BMP7: variants seen among roughly 807,000 people sequenced by gnomAD.
BMP7 encodes osteogenic protein 1.
A neutral mutation model predicts 41.2 loss-of-function variants in BMP7; 12 were observed. The observed-to-expected ratio is 0.29, with a 90% CI of 0.19 to 0.47. The LOEUF is 0.47. Ranked by LOEUF, BMP7 falls within the 20% of genes least tolerant of loss-of-function variation. BMP7 has a pLI of 0.99. For missense variants in BMP7, 467 were observed against 606.0 expected (o/e 0.77, Z 2.41); for synonymous variants, 248 against 250.0 (o/e 0.99, Z 0.07).
intron 3 of BMP7, among the ~76,000 whole-genome samples, chr20:57,186,097 G>A (rs1216978864): frequency 6.6e-6 from 1 of 152,248 alleles, no homozygotes; most frequent in African/African-American, 2.4e-5. Context: ...AGTAATGTAA[G>A]CTTGGGTGTC....
At position 57,213,596 on chromosome 20, in the gene BMP7, G is replaced by C. The variant is rs1984943031; in HGVS notation, c.612-10973C>G. On this transcript the variant is annotated intron_variant, in intron 2 of 6. Transcript: ENST00000395863. The surrounding 1 kb of genome is among the most constrained non-coding windows in gnomAD (Gnocchi z 4.4). ...GTGGATCACAGAGGCTGGGGGTCAA[G>C]AGGGAAGAGAAATACAGCGACAAAT... Among the ~76,000 whole-genome samples, 1 of 152,112 alleles carries C rather than the reference G, an allele frequency of 6.6e-6. No homozygotes were observed. The highest frequency in any genetic ancestry group is 2.1e-4 in the South Asian group (1 of 4,824).
At chr20:57,220,163 C>A (rs1985155795) in intron 2 of BMP7, among the ~76,000 whole-genome samples, 1 of 152,186 alleles carries the variant, frequency 6.6e-6, no homozygotes, top group Non-Finnish European at 1.5e-5. Context: ...AAGAACATGG[C>A]ACCGACAGAG....
At chr20:57,262,017 T>C (rs2066156141) in intron 1 of BMP7, among the ~76,000 whole-genome samples, 1 of 152,216 alleles carries the variant, frequency 6.6e-6, no homozygotes, top group Non-Finnish European at 1.5e-5. Context: ...CCAATAATGA[T>C]AGGTTTCCAA....
chr20:57,263,784 G>A (rs1201705835), intron 1 of BMP7, among the ~76,000 whole-genome samples: 5 of 151,268 alleles, frequency 3.3e-5, no homozygotes, highest in Admixed American at 2.0e-4. Flanking sequence ...TTAGTTTTTG[G>A]TATAGTTAAT....
At position 57,190,981 on chromosome 20, in the gene BMP7, T is replaced by C. The variant is rs528848883; in HGVS notation, c.761-7062A>G. 3.3e-5 allele frequency among the ~76,000 whole-genome samples: 5 copies of C among 152,258 alleles called. No homozygotes were observed. In the South Asian group the frequency reaches 8.3e-4, roughly 25 times the overall value. Reference sequence around the variant, plus strand: ...CACTAATGCCAGTAGCACCTCTCCATGTCATGACAACCAAATATGTCTCCA... The same window carrying C: ...CACTAATGCCAGTAGCACCTCTCCACGTCATGACAACCAAATATGTCTCCA... On this transcript the variant is annotated intron_variant, in intron 3 of 6. Transcript: ENST00000395863.
intron 3 of BMP7, among the ~76,000 whole-genome samples, chr20:57,192,102 T>G (rs1358371744): frequency 3.2e-5 from 4 of 125,494 alleles, no homozygotes; most frequent in Non-Finnish European, 6.2e-5. Flanking sequence ...ATTTATAAAT[T>G]TATATAATAT....
chr20:57,226,683 G>C (rs1436081843), intron 2 of BMP7, among the ~76,000 whole-genome samples: 1 of 152,216 alleles, frequency 6.6e-6, no homozygotes, highest in African/African-American at 2.4e-5. Context: ...CAGCAACACA[G>C]ATTCCTTCGC....
chr20:57,192,909 A>T (rs2145440), intron 3 of BMP7, among the ~76,000 whole-genome samples: 9,784 of 152,188 alleles, frequency 0.064, 451 homozygotes, highest in African/African-American at 0.13. Flanking sequence ...TCTCCAAGAG[A>T]TTCTCCTTAA....
chr20:57,207,575 A>G (rs1311237468), intron 2 of BMP7, among the ~76,000 whole-genome samples: 1 of 152,228 alleles, frequency 6.6e-6, no homozygotes, highest in Non-Finnish European at 1.5e-5. Context: ...TGGTAAAAAC[A>G]TTATGGCACA....
intron 2 of BMP7, among the ~76,000 whole-genome samples, chr20:57,210,751 C>T (rs151220375): frequency 1.8e-4 from 28 of 152,376 alleles, no homozygotes; most frequent in African/African-American, 6.7e-4. Flanking sequence ...ATCCTGTCTG[C>T]GCCCACCATC....
At chr20:57,265,656 T>G in intron 1 of BMP7, 49 bp downstream of exon 1, 1 of 1,561,726 alleles carries the variant, frequency 6.4e-7, no homozygotes, top group Non-Finnish European at 8.7e-7. Context: ...CCTCCCAGTC[T>G]CAAAGTGCCC....
intron 1 of BMP7, among the ~76,000 whole-genome samples, chr20:57,250,538 CAA>C (rs57036984): frequency 0.023 from 2,065 of 89,468 alleles, 52 homozygotes; most frequent in African/African-American, 0.066. Context: ...GACTCTGACT[CAA>C]AAAAAAAAAA....
intron 1 of BMP7, among the ~76,000 whole-genome samples, chr20:57,231,376 A>G (rs980014555): frequency 3.7e-4 from 57 of 152,368 alleles, no homozygotes; most frequent in African/African-American, 1.3e-3. Flanking sequence ...ATCACAGGAC[A>G]CGTGTTTCAT....
Position 57,171,722 on chromosome 20 carries a change from G to A in BMP7, c.1147-614C>T, listed in dbSNP as rs773031388. Among the ~76,000 whole-genome samples, 6 of 152,156 alleles carry A rather than the reference G, an allele frequency of 3.9e-5. No individual in the cohort carries two copies. The highest frequency in any genetic ancestry group is 2.9e-5 in the Non-Finnish European group (2 of 68,040). ...ATTCCACTGTCCTGTTGTTTTCAAC[G>A]TGAAACTTCTGGGTTTCCAGCAACT... On this transcript the variant is annotated intron_variant, in intron 6 of 6. Transcript: ENST00000395863. The surrounding 1 kb of genome is among the most constrained non-coding windows in gnomAD (Gnocchi z 4.5).
intron 1 of BMP7, among the ~76,000 whole-genome samples, chr20:57,244,763 A>T (rs1290610445): frequency 6.6e-6 from 1 of 152,224 alleles, no homozygotes; most frequent in Non-Finnish European, 1.5e-5. Context: ...AAGAGCAGCC[A>T]GGTGGGGGAA....
rs2066145104 is a variant in BMP7, at chr20:57,259,273, C to T, written c.418+6432G>A. ...AGTGTCAGGAGACTTGGCCAGGCAG[C>T]CCCAAGCATCAGCGAGGGCTGGAAG... On this transcript the variant is annotated intron_variant, in intron 1 of 6. Transcript: ENST00000395863. The surrounding 1 kb of genome is among the most constrained non-coding windows in gnomAD (Gnocchi z 4.7). Among the ~76,000 whole-genome samples the T allele has an allele frequency of 6.6e-6, 1 of 152,116 alleles. No homozygotes were observed. The highest frequency in any genetic ancestry group is 1.5e-5 in the Non-Finnish European group (1 of 68,038).
intron 4 of BMP7, among the ~76,000 whole-genome samples, chr20:57,182,457 G>T (rs1984107216): frequency 6.6e-6 from 1 of 152,240 alleles, no homozygotes; most frequent in African/African-American, 2.4e-5. Context: ...AGGCTCCTGT[G>T]GGGGCTCCAC....
chr20:57,197,650 T>C (rs1297490921), intron 3 of BMP7, among the ~76,000 whole-genome samples: 1 of 152,230 alleles, frequency 6.6e-6, no homozygotes, highest in Non-Finnish European at 1.5e-5. Flanking sequence ...GCAGGATTAT[T>C]GAGAGAACTA....
Position 57,173,202 on chromosome 20 carries a change from G to A in BMP7, c.1144C>T (p.Leu382=), listed in dbSNP as rs763975815. 1 of 1,613,576 alleles carries A rather than the reference G, an allele frequency of 6.2e-7. No individual in the cohort carries two copies. The highest frequency in any genetic ancestry group is 1.1e-5 in the South Asian group (1 of 91,076). Residue 382 remains leucine (L), a splice_region_variant and synonymous_variant, in exon 6 of 7, where the codon CTG becomes TTG. Coordinates refer to ENST00000395863, the MANE Select transcript of BMP7 (RefSeq NM_001719.3). ...NATNHAIVQT[L]VHFINPETVP... ...CCCCAAGATGGCGTGACACCCACCA[G>A]CGTCTGCACGATGGCGTGGTTGGTG...
Sources: allele counts gnomAD v4.1 joint callset (sites outside exome capture counted in the v4.1 genomes callset), GRCh38; gene constraint gnomAD v4.1.1; non-coding constraint Gnocchi (gnomAD v3.1); transcripts MANE v1.5; gene names NCBI Gene and HGNC (gene_info 2026-07-23, HGNC 2026-07-21).